NLGN1: variants seen among roughly 807,000 people sequenced by gnomAD.
NLGN1 encodes neuroligin-1.
NLGN1 carries 12 observed loss-of-function variants against 65.5 expected under a neutral mutation model. The ratio of observed to expected loss-of-function variants is 0.18; its 90% CI spans 0.12 to 0.30. The LOEUF is 0.30. Ranked by LOEUF, NLGN1 falls within the 10% of genes least tolerant of loss-of-function variation. The pLI is 1.00. For synonymous variants in NLGN1, 350 were observed against 359.5 expected (o/e 0.97, Z 0.30); for missense variants, 750 against 1,007.1 (o/e 0.74, Z 3.46).
intron 4 of NLGN1, among the ~76,000 whole-genome samples, chr3:174,108,947 A>G (rs1024964102): frequency 3.3e-5 from 5 of 152,028 alleles, no homozygotes; most frequent in African/African-American, 9.7e-5. Context: ...TGTGAAATAT[A>G]TATAGTACAT....
In NLGN1 at chr3:174,267,837, G is replaced by A. The variant is rs1207389083; in HGVS notation, c.647-7478G>A. ...ATGCTGTCCTTTATTCAGCAAACAT[G>A]TATATAATGACTATCTGGGGACAAT... On this transcript the variant is annotated intron_variant, in intron 4 of 6. Coordinates refer to ENST00000457714, the Ensembl canonical transcript of NLGN1. Among the ~76,000 whole-genome samples the A allele has an allele frequency of 2.0e-5, 3 of 152,168 alleles. No individual in the cohort carries two copies. The East Asian group carries it at 5.8e-4, about 30-fold the overall frequency.
rs1386500333 is a variant in NLGN1 at position 174,279,010 on chromosome 3, A to C, written c.1009A>C (p.Lys337Gln). 1 of 1,600,412 alleles carries C rather than the reference A, an allele frequency of 6.2e-7. No homozygotes were observed. Among genetic ancestry groups the C allele is most frequent in the Admixed American group, 1.7e-5 (1 of 58,046 alleles). ...AGAGTTAGTGGAATGCCTACAGAAG[A>C]AGCCTTACAAAGAACTTGTTGACCA... The change falls in exon 6 of 7, where the codon AAG (lysine) becomes CAG (glutamine). Residue 337 changes from lysine to glutamine, a missense_variant. Lys to Gln is a moderately conservative substitution (Grantham distance 53). Transcript: ENST00000457714. The surrounding 1 kb of genome is among the most constrained non-coding windows in gnomAD (Gnocchi z 4.7).
intron 4 of NLGN1, among the ~76,000 whole-genome samples, chr3:174,057,299 G>A (rs1322735088): frequency 6.6e-6 from 1 of 152,026 alleles, no homozygotes; most frequent in Non-Finnish European, 1.5e-5. Flanking sequence ...AACTAGATGT[G>A]TGAATGCTAC....
chr3:173,891,997 G>C (rs889142377), intron 4 of NLGN1, among the ~76,000 whole-genome samples: 3 of 152,132 alleles, frequency 2.0e-5, no homozygotes, highest in Non-Finnish European at 2.9e-5. Flanking sequence ...CTAGAAGCAG[G>C]AGTCACAGGA....
chr3:173,545,973 T>G (rs35010926), intron 2 of NLGN1, among the ~76,000 whole-genome samples: 3,222 of 152,006 alleles, frequency 0.021, 2 homozygotes, highest in Admixed American at 0.035. Flanking sequence ...AGGGATAGCA[T>G]TAGGAGAAAT....
intron 4 of NLGN1, among the ~76,000 whole-genome samples, chr3:174,256,389 C>G (rs1745768276): frequency 6.6e-6 from 1 of 152,130 alleles, no homozygotes; most frequent in African/African-American, 2.4e-5. Context: ...TGATTCCTTG[C>G]CCTGCTCATT....
At chr3:173,756,079 A>G (rs187742675) in intron 3 of NLGN1, among the ~76,000 whole-genome samples, 2 of 152,168 alleles carry the variant, frequency 1.3e-5, no homozygotes, top group African/African-American at 4.8e-5. Flanking sequence ...GAAGTCTTAA[A>G]TTTCATTCAG....
At chr3:173,503,170 C>G (rs1472622973) in intron 2 of NLGN1, among the ~76,000 whole-genome samples, 1 of 151,940 alleles carries the variant, frequency 6.6e-6, no homozygotes, top group Non-Finnish European at 1.5e-5. Flanking sequence ...CCTGACCTTA[C>G]AAGTATTAAG....
intron 2 of NLGN1, among the ~76,000 whole-genome samples, chr3:173,528,451 T>G (rs1436667157): frequency 6.6e-6 from 1 of 152,164 alleles, no homozygotes; most frequent in Non-Finnish European, 1.5e-5. Flanking sequence ...ATCCAGTTGT[T>G]TTCTCAGTTT....
intron 3 of NLGN1, among the ~76,000 whole-genome samples, chr3:173,771,243 G>A (rs867473066): frequency 2.0e-5 from 3 of 152,252 alleles, no homozygotes; most frequent in Middle Eastern, 3.4e-3. Flanking sequence ...TGAGCACATG[G>A]GGAATGGTTA....
intron 1 of NLGN1, among the ~76,000 whole-genome samples, chr3:173,431,738 T>G (rs1196352538): frequency 6.6e-6 from 1 of 152,096 alleles, no homozygotes; most frequent in African/African-American, 2.4e-5. Context: ...TCATCCAAAA[T>G]CCAAATTTTC....
intron 4 of NLGN1, among the ~76,000 whole-genome samples, chr3:174,271,628 G>GACTA (rs1346396983): frequency 6.6e-5 from 10 of 151,716 alleles, no homozygotes; most frequent in Middle Eastern, 3.2e-3. Flanking sequence ...TAGCACTTGA[G>GACTA]ACTAACTCTA....
chr3:173,486,883 G>A (rs535637872), intron 2 of NLGN1, among the ~76,000 whole-genome samples: 2 of 150,686 alleles, frequency 1.3e-5, no homozygotes, highest in South Asian at 2.1e-4. Context: ...AACATCTTAA[G>A]TTTCAAGTTT....
At chr3:174,267,596 G>A (rs1042093479) in intron 4 of NLGN1, among the ~76,000 whole-genome samples, 19 of 151,936 alleles carry the variant, frequency 1.3e-4, no homozygotes, top group African/African-American at 3.6e-4. Context: ...ATCTCATCTC[G>A]GATAAGCCCC....
chr3:173,513,811 A>G (rs1733369634), intron 2 of NLGN1, among the ~76,000 whole-genome samples: 1 of 152,066 alleles, frequency 6.6e-6, no homozygotes, highest in African/African-American at 2.4e-5. Context: ...GGATCACTTG[A>G]GGTCAGGAGT....
chr3:173,409,772 A>G (rs921659306), intron 1 of NLGN1, among the ~76,000 whole-genome samples: 1 of 152,206 alleles, frequency 6.6e-6, no homozygotes, highest in Non-Finnish European at 1.5e-5. Context: ...TCCCTCCGCC[A>G]TGTGATACTT....
chr3:173,654,220 C>T (rs1759636362), intron 3 of NLGN1, among the ~76,000 whole-genome samples: 1 of 152,108 alleles, frequency 6.6e-6, no homozygotes. Flanking sequence ...ACTAAGTTGT[C>T]ATCAAATACT....
At chr3:173,413,112 C>T (rs976633169) in intron 1 of NLGN1, among the ~76,000 whole-genome samples, 15 of 152,000 alleles carry the variant, frequency 9.9e-5, no homozygotes, top group Non-Finnish European at 2.9e-5. Flanking sequence ...ATGCTTCCCT[C>T]GCAGACTGCC....
At chr3:173,933,929 A>G (rs1399227721) in intron 4 of NLGN1, among the ~76,000 whole-genome samples, 1 of 152,012 alleles carries the variant, frequency 6.6e-6, no homozygotes, top group African/African-American at 2.4e-5. Flanking sequence ...AATATATATT[A>G]TAAGTGAATA....
Sources: gnomAD v4.1 joint callset for allele counts (sites outside exome capture counted in the v4.1 genomes callset) on GRCh38, gnomAD v4.1.1 for gene constraint, Gnocchi (gnomAD v3.1) non-coding constraint, MANE v1.5 for transcripts, NCBI Gene and HGNC (gene_info 2026-07-23, HGNC 2026-07-21) for gene names.